TYW1: variants seen among roughly 807,000 people sequenced by gnomAD.
TYW1 encodes S-adenosyl-L-methionine-dependent tRNA 4-demethylwyosine synthase TYW1.
A neutral mutation model predicts 96.2 loss-of-function variants in TYW1; 46 were observed. The observed-to-expected ratio is 0.48, with a 90% CI of 0.38 to 0.61. The LOEUF (loss-of-function observed/expected upper bound fraction) is 0.61, where lower values mean the gene tolerates loss of function less well. TYW1 is among the 20% of genes least tolerant of loss of function. TYW1 has a pLI of 0.00. For missense variants in TYW1, 684 were observed against 909.6 expected, an observed-to-expected ratio of 0.75 and a Z score of 3.19; for synonymous variants, 274 against 323.0, an observed-to-expected ratio of 0.85 and a Z score of 1.63.
At chr7:67,082,545 G>C (rs1295345496) in intron 10 of TYW1, among the ~76,000 whole-genome samples, 3 of 152,174 alleles carry the variant, frequency 2.0e-5, no homozygotes, top group Admixed American at 6.5e-5. Context: ...CAGCTCTGTT[G>C]CTTATGGGGG....
chr7:67,129,622 A>T (rs1211171561), intron 13 of TYW1, among the ~76,000 whole-genome samples: 1 of 152,230 alleles, frequency 6.6e-6, no homozygotes, highest in African/African-American at 2.4e-5. Context: ...CAATTTGTTC[A>T]GCTTTTTACT....
chr7:67,222,249 C>G (rs1284000195), intron 15 of TYW1, among the ~76,000 whole-genome samples: 1 of 152,082 alleles, frequency 6.6e-6, no homozygotes, highest in East Asian at 1.9e-4. Flanking sequence ...AAAGCTGTAA[C>G]AATCAATTTT....
chr7:67,208,619 GGC>G (rs1449155529), intron 15 of TYW1, among the ~76,000 whole-genome samples: 1 of 151,672 alleles, frequency 6.6e-6, no homozygotes. Flanking sequence ...GAACCCGTGA[GGC>G]GGAGGTTGCA....
In TYW1 at chr7:67,055,772, A is replaced by T. The variant is rs150882567; in HGVS notation, c.1103-63A>T. The T allele has an allele frequency of 2.1e-6, 3 of 1,428,678 alleles. No homozygotes were observed. The Admixed American group carries it at 6.8e-5, about 33-fold the overall frequency. 88.5% of individuals were successfully genotyped at this position (1,428,678 alleles called of 1,614,324 possible). ...AAAAAAAATTTTTGCTAAATTTTAA[A>T]GTCACTTTTTGATATGACGCTTTGG... On this transcript the variant is annotated intron_variant, in intron 8 of 15. Coordinates refer to ENST00000359626, the MANE Select transcript of TYW1 (RefSeq NM_018264.4).
At chr7:67,047,864 C>T (rs1795236680) in intron 7 of TYW1, among the ~76,000 whole-genome samples, 2 of 147,896 alleles carry the variant, frequency 1.4e-5, no homozygotes, top group African/African-American at 2.5e-5. Context: ...CTTGGCTCAC[C>T]GTAACCTCCG....
rs187678037 is a variant in TYW1, at chr7:67,017,377, A to G, written c.571-476A>G. Among the ~76,000 whole-genome samples the G allele has an allele frequency of 2.9e-3, 443 of 152,312 alleles. 1 individual carries two copies. Among genetic ancestry groups the G allele is most frequent in the Non-Finnish European group, 4.7e-3 (321 of 68,018 alleles). ...ATGCCTCTGATAACTCCTGTTCCTC[A>G]GCTTAATTGCTTCATATCACAGTGA... On this transcript the variant is annotated intron_variant, in intron 5 of 15. Coordinates refer to ENST00000359626, the MANE Select transcript of TYW1 (RefSeq NM_018264.4).
intron 11 of TYW1, among the ~76,000 whole-genome samples, chr7:67,088,246 C>CT (rs565866403): frequency 1.3e-4 from 19 of 151,806 alleles, no homozygotes; most frequent in African/African-American, 4.6e-4. Flanking sequence ...TTGTTTAATG[C>CT]TTTTTTCTGT....
chr7:67,234,955 TAA>T (rs3070651), intron 15 of TYW1, among the ~76,000 whole-genome samples: 11 of 146,724 alleles, frequency 7.5e-5, no homozygotes, highest in African/African-American at 1.2e-4. Context: ...GTAGGTATGG[TAA>T]AAAAAAAAAA....
intron 7 of TYW1, among the ~76,000 whole-genome samples, 155 bp from the exon 8 acceptor site, chr7:67,049,794 G>T (rs1795301358): frequency 6.6e-6 from 1 of 152,146 alleles, no homozygotes; most frequent in South Asian, 2.1e-4. Flanking sequence ...TGATCCGCCT[G>T]CCCTGGCCTC....
At chr7:67,220,579 G>C (rs1181460101) in intron 15 of TYW1, among the ~76,000 whole-genome samples, 2 of 151,940 alleles carry the variant, frequency 1.3e-5, no homozygotes, top group Non-Finnish European at 2.9e-5. Context: ...GTTGAATCTA[G>C]GCCTAATTGG....
intron 7 of TYW1, among the ~76,000 whole-genome samples, chr7:67,042,790 A>T (rs1386318189): frequency 6.6e-6 from 1 of 152,068 alleles, no homozygotes; most frequent in East Asian, 1.9e-4. Context: ...TGAGGTCTGG[A>T]GTTCAAGATC....
chr7:67,231,880 A>G (rs191825387), intron 15 of TYW1, among the ~76,000 whole-genome samples: 2,325 of 151,366 alleles, frequency 0.015, 27 homozygotes, highest in Admixed American at 0.042. Context: ...GTCTAGAACT[A>G]CTAAAAAGAA....
intron 15 of TYW1, among the ~76,000 whole-genome samples, chr7:67,213,649 A>G (rs7811233): frequency 0.27 from 40,742 of 152,022 alleles, 5,820 homozygotes; most frequent in African/African-American, 0.36. Context: ...ATTTTCTAGA[A>G]GTTTTATGTT....
chr7:67,020,284 G>A (rs1244065168), intron 6 of TYW1, among the ~76,000 whole-genome samples: 2 of 152,264 alleles, frequency 1.3e-5, no homozygotes, highest in Non-Finnish European at 2.9e-5. Context: ...TCAGGAGGCC[G>A]AGGCAGGAGG....
At chr7:67,101,494 G>T (rs1193685500) in intron 12 of TYW1, among the ~76,000 whole-genome samples, 2 of 151,978 alleles carry the variant, frequency 1.3e-5, no homozygotes, top group Admixed American at 6.6e-5. Flanking sequence ...ACATACATTC[G>T]CACACGCAGT....
intron 7 of TYW1, among the ~76,000 whole-genome samples, chr7:67,042,339 T>G (rs1795055078): frequency 7.2e-6 from 1 of 139,676 alleles, no homozygotes; most frequent in Admixed American, 7.4e-5. Context: ...TAGTACTATT[T>G]AAGACTTCTT....
At chr7:67,084,888 A>G (rs1284962159) in intron 11 of TYW1, among the ~76,000 whole-genome samples, 1 of 152,154 alleles carries the variant, frequency 6.6e-6, no homozygotes, top group Non-Finnish European at 1.5e-5. Flanking sequence ...ACTACTGTAC[A>G]TGTGATGTCT....
At chr7:67,047,880 C>T (rs1285619398) in intron 7 of TYW1, among the ~76,000 whole-genome samples, 2 of 150,482 alleles carry the variant, frequency 1.3e-5, no homozygotes, top group Non-Finnish European at 3.0e-5. Flanking sequence ...CTCCGCCTCC[C>T]GGGTTCAAGT....
Position 67,239,483 on chromosome 7 carries a change from A to C in TYW1, c.*954A>C, listed in dbSNP as rs183177499. 9.9e-5 allele frequency: 82 copies of C among 830,310 alleles called. No homozygotes were observed. In the African/African-American group the frequency reaches 1.3e-3, roughly 13 times the overall value. The allele number at this position is 830,310 out of a possible 1,614,324, so 51.4% of individuals were successfully genotyped here. A position where few individuals can be genotyped will look rare whatever the true frequency, so the allele number is the denominator to read the frequency against. Reference sequence around the variant, plus strand: ...TTCTTTTAACAGTCTTTTATGCAAAAATTGAATTAATAAAATAATCTTTTG... The same window carrying C: ...TTCTTTTAACAGTCTTTTATGCAAACATTGAATTAATAAAATAATCTTTTG... On this transcript the variant is annotated 3_prime_UTR_variant, in exon 16 of 16. Transcript: ENST00000359626.
Sources: allele counts gnomAD v4.1 joint callset (sites outside exome capture counted in the v4.1 genomes callset), GRCh38; gene constraint gnomAD v4.1.1; transcripts MANE v1.5; gene names NCBI Gene and HGNC (gene_info 2026-07-23, HGNC 2026-07-21).